PROKR1: variants seen among roughly 807,000 people sequenced by gnomAD.
PROKR1 encodes the protein prokineticin receptor 1, also known as G protein-coupled receptor 73.
Under a neutral mutation model 22.8 loss-of-function variants are expected in PROKR1, and 21 were observed. That is an observed-to-expected ratio of 0.92 (90% CI 0.65 to 1.32). The LOEUF (loss-of-function observed/expected upper bound fraction) is 1.32, where lower values mean the gene tolerates loss of function less well. Ranked by LOEUF, PROKR1 falls within the 40% of genes most tolerant of loss-of-function variation. The probability of loss-of-function intolerance (pLI) is 0.00; values close to 1 mark genes in which losing one functional copy is unlikely to be tolerated. For synonymous variants in PROKR1, 193 were observed against 207.5 expected, an observed-to-expected ratio of 0.93 and a Z score of 0.60; for missense variants, 548 against 514.2, an observed-to-expected ratio of 1.07 and a Z score of -0.64.
chr2:68,653,760 G>T (rs577907347), intron 2 of PROKR1, among the ~76,000 whole-genome samples: 1 of 152,096 alleles, frequency 6.6e-6, no homozygotes, highest in East Asian at 1.9e-4. Context: ...CTCTCATGCC[G>T]CACAATGACT....
intron 2 of PROKR1, among the ~76,000 whole-genome samples, chr2:68,650,156 T>G (rs1238324057): frequency 1.3e-5 from 2 of 151,830 alleles, no homozygotes; most frequent in Non-Finnish European, 2.9e-5. Flanking sequence ...GCATGGCACA[T>G]GTATACATAT....
intron 2 of PROKR1, among the ~76,000 whole-genome samples, chr2:68,653,733 C>T (rs571972569): frequency 1.3e-5 from 2 of 152,158 alleles, no homozygotes; most frequent in African/African-American, 2.4e-5. Flanking sequence ...CGTTCTCTCT[C>T]GGAAAGAGGC....
intron 1 of PROKR1, 26 bp from the exon 2 acceptor site, chr2:68,645,636 G>A: frequency 6.0e-6 from 5 of 838,480 alleles, no homozygotes; most frequent in Non-Finnish European, 9.2e-6. Flanking sequence ...GCAACATATA[G>A]CCAACTGTTT....
At chr2:68,651,093 G>A (rs1018015477) in intron 2 of PROKR1, among the ~76,000 whole-genome samples, 1 of 152,200 alleles carries the variant, frequency 6.6e-6, no homozygotes, top group African/African-American at 2.4e-5. Context: ...CAGGTGTGGT[G>A]GCTCACGCCT....
rs1024188676 is a variant in PROKR1, at chr2:68,655,378, G to T, written c.984G>T (p.Glu328Asp). Reference protein sequence around the residue: ...KHYLTAFYIVECIAMSNSMIN... With the variant: ...KHYLTAFYIVDCIAMSNSMIN... Reference sequence around the variant, plus strand: ...ACCTCACTGCCTTCTACATCGTCGAGTGCATCGCCATGAGCAACAGCATGA... The same window carrying T: ...ACCTCACTGCCTTCTACATCGTCGATTGCATCGCCATGAGCAACAGCATGA... The change falls in exon 3 of 3, where the codon GAG (glutamate) becomes GAT (aspartate). Residue 328 changes from glutamate (E) to aspartate (D), a missense_variant. Physicochemically the swap from Glu to Asp is conservative, Grantham distance 45. Coordinates refer to ENST00000303786, the MANE Select transcript of PROKR1 (RefSeq NM_138964.4). The T allele has an allele frequency of 6.2e-7, 1 of 1,614,182 alleles. No homozygotes were observed. Among genetic ancestry groups the T allele is most frequent in the African/African-American group, 1.3e-5 (1 of 75,058 alleles).
At position 68,646,306 on chromosome 2, in the gene PROKR1, G is replaced by C. The variant is rs200443028; in HGVS notation, c.485G>C (p.Arg162Thr). The change falls in exon 2 of 3, where the codon AGG (arginine) becomes ACG (threonine). Residue 162 changes from arginine (R) to threonine (T), a missense_variant and splice_region_variant. By Grantham distance (71) the Arg-to-Thr change is moderately conservative. Transcript: ENST00000303786. ...GCCCTGCTGGCCATCGCCATTGACA[G>C]GTGAGTGCAGCAGCAGTGGGGACAA... ...TNALLAIAID[R>T]YLAIVHPLRP... 3.7e-6 allele frequency: 6 copies of C among 1,614,218 alleles called. No individual in the cohort carries two copies. Among genetic ancestry groups the C allele is most frequent in the Non-Finnish European group, 5.1e-6 (6 of 1,180,044 alleles).
intron 2 of PROKR1, among the ~76,000 whole-genome samples, chr2:68,651,986 G>C (rs1202106406): frequency 2.0e-5 from 3 of 152,202 alleles, no homozygotes; most frequent in African/African-American, 4.8e-5. Context: ...GAAACCAACT[G>C]TGATGGAGAG....
In PROKR1 at chr2:68,656,017, C is replaced by T. The variant is rs144299055; in HGVS notation, c.*441C>T. On this transcript the variant is annotated 3_prime_UTR_variant, in exon 3 of 3. Coordinates refer to ENST00000303786, the MANE Select transcript of PROKR1 (RefSeq NM_138964.4). ...ATGCCTAACATTTGCAAGGCTGGAGCAAGAATACGAAAGGGACTCTAGGCT... is the reference window on the plus strand; with the variant it reads ...ATGCCTAACATTTGCAAGGCTGGAGTAAGAATACGAAAGGGACTCTAGGCT... The T allele has an allele frequency of 5.2e-5, 14 of 267,518 alleles. No individual in the cohort carries two copies. The East Asian group carries it at 1.0e-3, about 19-fold the overall frequency. 16.6% of individuals were successfully genotyped at this position (267,518 alleles called of 1,614,324 possible). A position where few individuals can be genotyped will look rare whatever the true frequency, so the allele number is the denominator to read the frequency against.
Position 68,657,023 on chromosome 2 carries a change from T to C in PROKR1, c.*1447T>C, listed in dbSNP as rs938915318. 6.6e-6 allele frequency: 1 copy of C among 152,272 alleles called. No homozygotes were observed. Among genetic ancestry groups the C allele is most frequent in the Non-Finnish European group, 1.5e-5 (1 of 68,100 alleles). The allele number at this position is 152,272 out of a possible 1,614,324, so 9.4% of individuals were successfully genotyped here. A position where few individuals can be genotyped will look rare whatever the true frequency, so the allele number is the denominator to read the frequency against. ...TCTAACCTGCCTCCTTTGTTTGATG[T>C]TTTGAGTTTTGGAGTTTGGTATTTT... On this transcript the variant is annotated 3_prime_UTR_variant, in exon 3 of 3. Coordinates refer to ENST00000303786, the MANE Select transcript of PROKR1 (RefSeq NM_138964.4).
At chr2:68,645,017 C>T (rs1441431310) in intron 1 of PROKR1, among the ~76,000 whole-genome samples, 2 of 152,184 alleles carry the variant, frequency 1.3e-5, no homozygotes, top group African/African-American at 4.8e-5. Context: ...GATCTCCTGC[C>T]TGGCAGAAGT....
In PROKR1 at chr2:68,655,603, A is replaced by G; in HGVS notation, c.*27A>G. The G allele has an allele frequency of 6.2e-7, 1 of 1,600,042 alleles. No individual in the cohort carries two copies. Reference sequence around the variant, plus strand: ...CCCCTGGACTTTGCAAAGTTTAAACACAAAGCAGGGTCCTGTGGACACTGA... The same window carrying G: ...CCCCTGGACTTTGCAAAGTTTAAACGCAAAGCAGGGTCCTGTGGACACTGA... On this transcript the variant is annotated 3_prime_UTR_variant, in exon 3 of 3. Transcript: ENST00000303786.
chr2:68,646,420 G>C (rs779958857), intron 2 of PROKR1, 114 bp downstream of exon 2: 1 of 1,461,576 alleles, frequency 6.8e-7, no homozygotes, highest in Non-Finnish European at 9.4e-7. Flanking sequence ...ATTCCCCCTA[G>C]ATGTGGTTGC....
Position 68,645,782 on chromosome 2 carries a change from G to A in PROKR1, c.-40G>A. Reference sequence around the variant, plus strand: ...ATCAGCCTTGCAGACATTGCCCTGGGGAATTCTGAGCAGTGTTGCTCACAG... The same window carrying A: ...ATCAGCCTTGCAGACATTGCCCTGGAGAATTCTGAGCAGTGTTGCTCACAG... On this transcript the variant is annotated 5_prime_UTR_variant, in exon 2 of 3. Transcript: ENST00000303786. The A allele has an allele frequency of 1.9e-6, 3 of 1,614,086 alleles. No homozygotes were observed. Among genetic ancestry groups the A allele is most frequent in the Non-Finnish European group, 2.5e-6 (3 of 1,180,020 alleles).
At chr2:68,651,249 G>A (rs1673318503) in intron 2 of PROKR1, among the ~76,000 whole-genome samples, 1 of 152,160 alleles carries the variant, frequency 6.6e-6, no homozygotes, top group South Asian at 2.1e-4. Flanking sequence ...TGTAGTCCCA[G>A]CTACTCAGGA....
chr2:68,653,766 T>C (rs1362992542), intron 2 of PROKR1, among the ~76,000 whole-genome samples: 9 of 152,110 alleles, frequency 5.9e-5, no homozygotes, highest in Non-Finnish European at 7.4e-5. Context: ...TGCCGCACAA[T>C]GACTCATTTC....
At position 68,645,808 on chromosome 2, in the gene PROKR1, C is replaced by A. The variant is rs1486089987; in HGVS notation, c.-14C>A. On this transcript the variant is annotated 5_prime_UTR_variant, in exon 2 of 3. Transcript: ENST00000303786. ...GAATTCTGAGCAGTGTTGCTCACAG[C>A]ACCACCTGGCCAGATGGAGACCACC... The A allele has an allele frequency of 8.7e-6, 14 of 1,614,082 alleles. No individual in the cohort carries two copies. Among genetic ancestry groups the A allele is most frequent in the Non-Finnish European group, 1.2e-5 (14 of 1,180,044 alleles).
At chr2:68,647,606 A>G (rs1673215810) in intron 2 of PROKR1, among the ~76,000 whole-genome samples, 1 of 152,096 alleles carries the variant, frequency 6.6e-6, no homozygotes, top group South Asian at 2.1e-4. Context: ...CAGGGGTGGG[A>G]TGACCGAAAA....
chr2:68,655,666 GT>G lies in PROKR1; in HGVS notation c.*93del. ...GATGCACATCAACCTGGAACTTTTT[GT>G]TTGCTGCAGAGGGTAAAGTAAATGG... On this transcript the variant is annotated 3_prime_UTR_variant, in exon 3 of 3. Transcript: ENST00000303786. The G allele has an allele frequency of 7.7e-7, 1 of 1,295,768 alleles. No individual in the cohort carries two copies. The highest frequency in any genetic ancestry group is 2.5e-5 in the East Asian group (1 of 40,692). 80.3% of individuals were successfully genotyped at this position (1,295,768 alleles called of 1,614,324 possible). A position where few individuals can be genotyped will look rare whatever the true frequency, so the allele number is the denominator to read the frequency against.
intron 1 of PROKR1, among the ~76,000 whole-genome samples, chr2:68,645,205 G>A (rs1010970322): frequency 1.2e-4 from 19 of 152,298 alleles, no homozygotes; most frequent in African/African-American, 4.3e-4. Context: ...GGTCATAGCA[G>A]GTTCTAATGT....
Sources: allele counts gnomAD v4.1 joint callset (sites outside exome capture counted in the v4.1 genomes callset), GRCh38; gene constraint gnomAD v4.1.1; transcripts MANE v1.5; gene names NCBI Gene and HGNC (gene_info 2026-07-23, HGNC 2026-07-21).